Variants in LRRC3B observed in about 807,000 individuals in gnomAD.
LRRC3B encodes the protein leucine-rich repeat-containing protein 3B.
In LRRC3B, 2 loss-of-function variants were observed where a neutral mutation model predicts 12.8. That is an observed-to-expected ratio of 0.16 (90% CI 0.06 to 0.49). LRRC3B has a LOEUF of 0.49. Among genes scored for constraint, LRRC3B ranks in the 20% least tolerant of loss-of-function variants. LRRC3B has a pLI of 0.96. For missense variants in LRRC3B, 189 were observed against 319.4 expected, an observed-to-expected ratio of 0.59 and a Z score of 3.11; for synonymous variants, 132 against 122.0, an observed-to-expected ratio of 1.08 and a Z score of -0.54.
chr3:26,689,654 A>T (rs1332192197), intron 1 of LRRC3B, among the ~76,000 whole-genome samples: 1 of 152,184 alleles, frequency 6.6e-6, no homozygotes, highest in East Asian at 1.9e-4. Flanking sequence ...TTCCATAAAG[A>T]GGTGGCAAAA....
intron 1 of LRRC3B, among the ~76,000 whole-genome samples, chr3:26,704,701 GC>G (rs1262662667): frequency 2.0e-5 from 3 of 151,916 alleles, no homozygotes; most frequent in Non-Finnish European, 2.9e-5. Flanking sequence ...GTTGCACCCA[GC>G]TCTCCATTTT....
chr3:26,651,637 C>A (rs1699267208), intron 1 of LRRC3B, among the ~76,000 whole-genome samples: 1 of 152,156 alleles, frequency 6.6e-6, no homozygotes, highest in African/African-American at 2.4e-5. Context: ...AGTGTAGTAA[C>A]ATATTCTGAA....
At chr3:26,630,755 G>T (rs1051226800) in intron 1 of LRRC3B, among the ~76,000 whole-genome samples, 2 of 152,134 alleles carry the variant, frequency 1.3e-5, no homozygotes, top group Non-Finnish European at 2.9e-5. Context: ...TCTATTGGTG[G>T]ATGCCTTGAA....
chr3:26,645,162 AG>A (rs1699117091), intron 1 of LRRC3B, among the ~76,000 whole-genome samples: 2 of 152,232 alleles, frequency 1.3e-5, no homozygotes, highest in South Asian at 4.1e-4. Flanking sequence ...TAATAGTTGC[AG>A]GAAAAAATAG....
intron 1 of LRRC3B, among the ~76,000 whole-genome samples, chr3:26,636,909 T>G: frequency 9.3e-6 from 1 of 107,586 alleles, no homozygotes; most frequent in Non-Finnish European, 1.7e-5. Context: ...TCTCTTTCTC[T>G]CTTTCTCTCT....
chr3:26,663,195 C>A (rs187313176), intron 1 of LRRC3B, among the ~76,000 whole-genome samples: 1 of 152,218 alleles, frequency 6.6e-6, no homozygotes, highest in Admixed American at 6.5e-5. Flanking sequence ...TGATTGAGTT[C>A]TGTCTCTGGC....
chr3:26,648,350 C>T (rs1575125327), intron 1 of LRRC3B, among the ~76,000 whole-genome samples: 1 of 152,072 alleles, frequency 6.6e-6, no homozygotes, highest in Admixed American at 6.5e-5. Flanking sequence ...GGAAACCCCT[C>T]CTTCCCTGAC....
intron 1 of LRRC3B, among the ~76,000 whole-genome samples, chr3:26,672,026 C>A (rs1382709881): frequency 6.6e-6 from 1 of 152,098 alleles, no homozygotes; most frequent in Non-Finnish European, 1.5e-5. Flanking sequence ...ATTTTAAAGA[C>A]GTTTCAATAA....
At chr3:26,642,518 G>A (rs1699051265) in intron 1 of LRRC3B, among the ~76,000 whole-genome samples, 1 of 152,202 alleles carries the variant, frequency 6.6e-6, no homozygotes, top group African/African-American at 2.4e-5. Flanking sequence ...ATGGCGGAGA[G>A]AGCAGAGTCT....
At chr3:26,623,323 T>G (rs1698552207) in intron 1 of LRRC3B, 86 bp downstream of exon 1, 1 of 152,362 alleles carries the variant, frequency 6.6e-6, no homozygotes, top group African/African-American at 2.4e-5. Context: ...AAGGAACAAG[T>G]AGAGGAGAAC....
At chr3:26,692,279 C>T (rs921177283) in intron 1 of LRRC3B, among the ~76,000 whole-genome samples, 6 of 152,190 alleles carry the variant, frequency 3.9e-5, no homozygotes, top group African/African-American at 1.4e-4. Flanking sequence ...TGGGTTTAGA[C>T]TCAGATAGTC....
intron 1 of LRRC3B, among the ~76,000 whole-genome samples, chr3:26,707,582 C>T (rs1186977989): frequency 6.6e-6 from 1 of 152,140 alleles, no homozygotes; most frequent in Non-Finnish European, 1.5e-5. Flanking sequence ...AAAGGCTTCT[C>T]ATCTTTCAGC....
chr3:26,698,135 G>A (rs1700365348), intron 1 of LRRC3B, among the ~76,000 whole-genome samples: 1 of 152,174 alleles, frequency 6.6e-6, no homozygotes, highest in South Asian at 2.1e-4. Flanking sequence ...GGTGGTGGTG[G>A]TGGTGGCAGT....
At chr3:26,681,638 G>A (rs574433605) in intron 1 of LRRC3B, among the ~76,000 whole-genome samples, 2 of 152,254 alleles carry the variant, frequency 1.3e-5, no homozygotes, top group South Asian at 2.1e-4. Flanking sequence ...AGTGTATAAA[G>A]CCTATAGTCC....
chr3:26,669,352 C>T (rs562254468), intron 1 of LRRC3B, among the ~76,000 whole-genome samples: 1 of 152,180 alleles, frequency 6.6e-6, no homozygotes, highest in South Asian at 2.1e-4. Context: ...CCTTTCATTA[C>T]GATGGAGTGA....
At chr3:26,646,598 T>TAAAAAAAAAAAAAAAAAAAAAAA (rs529066996) in intron 1 of LRRC3B, among the ~76,000 whole-genome samples, 1 of 99,644 alleles carries the variant, frequency 1.0e-5, no homozygotes, top group Admixed American at 1.1e-4. Flanking sequence ...GGATAGGAGG[T>TAAAAAAAAAAAAAAAAAAAAAAA]AAAAAAAAAA....
chr3:26,678,387 G>A (rs757830765), intron 1 of LRRC3B, among the ~76,000 whole-genome samples: 2 of 152,046 alleles, frequency 1.3e-5, no homozygotes, highest in East Asian at 1.9e-4. Flanking sequence ...CCAGCTACTC[G>A]GGAGGCTGAG....
intron 1 of LRRC3B, among the ~76,000 whole-genome samples, chr3:26,665,424 C>T (rs1004838267): frequency 1.5e-4 from 23 of 152,106 alleles, no homozygotes; most frequent in African/African-American, 5.6e-4. Flanking sequence ...TCTGGAGGCA[C>T]CATTGCTTTG....
At chr3:26,685,817 G>T (rs1700076536) in intron 1 of LRRC3B, among the ~76,000 whole-genome samples, 1 of 151,794 alleles carries the variant, frequency 6.6e-6, no homozygotes, top group African/African-American at 2.4e-5. Context: ...TAAATACTGT[G>T]TCTAATGTCA....
Sources: allele counts gnomAD v4.1 joint callset (sites outside exome capture counted in the v4.1 genomes callset), GRCh38; gene constraint gnomAD v4.1.1; transcripts MANE v1.5; gene names NCBI Gene and HGNC (gene_info 2026-07-23, HGNC 2026-07-21).